Variants in CDH13 observed in about 807,000 individuals in gnomAD.
CDH13 encodes cadherin-13.
In CDH13, 24 loss-of-function variants were observed where a neutral mutation model predicts 63.8. The observed-to-expected ratio is 0.38, with a 90% CI of 0.27 to 0.53. The LOEUF is 0.53. Ranked by LOEUF, CDH13 falls within the 20% of genes least tolerant of loss-of-function variation. CDH13 has a pLI of 0.85. For synonymous variants in CDH13, 503 were observed against 355.3 expected, an observed-to-expected ratio of 1.42 and a Z score of -4.67; for missense variants, 1,049 against 903.1, an observed-to-expected ratio of 1.16 and a Z score of -2.07.
At chr16:82,796,370 C>T (rs926320622) in intron 1 of CDH13, among the ~76,000 whole-genome samples, 1 of 152,180 alleles carries the variant, frequency 6.6e-6, no homozygotes, top group African/African-American at 2.4e-5. Flanking sequence ...AACATCTCCC[C>T]AGGGTACATT....
chr16:83,665,165 C>T (rs577732369), intron 8 of CDH13, among the ~76,000 whole-genome samples: 1 of 140,936 alleles, frequency 7.1e-6, no homozygotes, highest in South Asian at 2.3e-4. Flanking sequence ...GCCAGGCATA[C>T]ATAACTGAAA....
At chr16:82,753,960 G>A (rs982152853) in intron 1 of CDH13, among the ~76,000 whole-genome samples, 3 of 152,146 alleles carry the variant, frequency 2.0e-5, no homozygotes, top group African/African-American at 7.2e-5. Context: ...TTGATTCACT[G>A]TGAATCATGA....
chr16:83,509,973 C>T (rs74034250), intron 7 of CDH13, among the ~76,000 whole-genome samples: 5 of 152,120 alleles, frequency 3.3e-5, no homozygotes, highest in South Asian at 4.1e-4. Flanking sequence ...GGTATTGTAG[C>T]CAGCGTACCT....
In CDH13 at chr16:83,254,523, T is replaced by G. The variant is rs74031911; in HGVS notation, c.636+37026T>G. Among the ~76,000 whole-genome samples the G allele has an allele frequency of 5.8e-3, 889 of 152,308 alleles. 8 individuals are homozygous for G. Among genetic ancestry groups the G allele is most frequent in the African/African-American group, 0.02 (851 of 41,554 alleles). On this transcript the variant is annotated intron_variant, in intron 5 of 13. Transcript: ENST00000567109. ...AAATGTGTGGTTCTACCATAATGAC[T>G]CTATGGACAGGATCCCCTGTGGCTG...
intron 10 of CDH13, among the ~76,000 whole-genome samples, chr16:83,731,704 T>C (rs1054931741): frequency 1.1e-4 from 16 of 152,256 alleles, no homozygotes; most frequent in Admixed American, 3.9e-4. Flanking sequence ...CCAAGGTCAA[T>C]GTGCAGAATG....
chr16:82,968,039 C>T (rs1381377864), intron 2 of CDH13, among the ~76,000 whole-genome samples: 2 of 152,132 alleles, frequency 1.3e-5, no homozygotes, highest in African/African-American at 4.8e-5. Flanking sequence ...TGGCATGAGT[C>T]CTTCTACATT....
intron 5 of CDH13, among the ~76,000 whole-genome samples, chr16:83,269,104 T>C (rs2088716861): frequency 1.3e-5 from 2 of 152,250 alleles, no homozygotes; most frequent in East Asian, 1.9e-4. Context: ...TAGAACTCTC[T>C]AGAACCTCCT....
intron 5 of CDH13, among the ~76,000 whole-genome samples, chr16:83,288,110 T>A (rs1367422568): frequency 6.6e-6 from 1 of 152,218 alleles, no homozygotes; most frequent in Non-Finnish European, 1.5e-5. Flanking sequence ...TTGCAGTAAT[T>A]GCGATTTTTA....
intron 6 of CDH13, among the ~76,000 whole-genome samples, chr16:83,420,608 A>C (rs757073332): frequency 3.9e-5 from 6 of 152,228 alleles, no homozygotes; most frequent in Non-Finnish European, 7.3e-5. Flanking sequence ...GGTTCTGCAG[A>C]GGGACAGAGC....
At chr16:83,414,665 C>A (rs777013635) in intron 6 of CDH13, among the ~76,000 whole-genome samples, 1 of 152,176 alleles carries the variant, frequency 6.6e-6, no homozygotes, top group African/African-American at 2.4e-5. Context: ...TGGAACCATG[C>A]AGTATTAGTC....
intron 1 of CDH13, among the ~76,000 whole-genome samples, chr16:82,818,139 T>TGTGTGTGTGTG (rs1555523731): frequency 6.6e-6 from 1 of 151,348 alleles, no homozygotes; most frequent in African/African-American, 2.4e-5. Flanking sequence ...TGTGTGTGTG[T>TGTGTGTGTGTG]TTTGGGAAGA....
At chr16:82,908,999 A>T (rs1211032587) in intron 2 of CDH13, among the ~76,000 whole-genome samples, 2 of 152,170 alleles carry the variant, frequency 1.3e-5, no homozygotes, top group Non-Finnish European at 2.9e-5. Flanking sequence ...TGCATGGGTC[A>T]GGGTATATAT....
intron 1 of CDH13, 153 bp downstream of exon 1, chr16:82,627,290 C>A: frequency 1.4e-6 from 1 of 691,890 alleles, no homozygotes; most frequent in Non-Finnish European, 2.6e-6. Context: ...CATTCCGAGC[C>A]CAGAGATCCT....
chr16:83,312,691 G>C (rs929419745), intron 5 of CDH13, among the ~76,000 whole-genome samples: 52 of 152,164 alleles, frequency 3.4e-4, no homozygotes, highest in African/African-American at 1.2e-3. Flanking sequence ...GGACAGGAAA[G>C]CTAGCAAGTC....
At chr16:83,192,224 ATGG>A (rs2038741315) in intron 4 of CDH13, among the ~76,000 whole-genome samples, 1 of 152,190 alleles carries the variant, frequency 6.6e-6, no homozygotes, top group Non-Finnish European at 1.5e-5. Flanking sequence ...GAATGCAATA[ATGG>A]TGGCCGCTTC....
At chr16:83,126,926 T>C (rs2035837093) in intron 4 of CDH13, among the ~76,000 whole-genome samples, 1 of 151,490 alleles carries the variant, frequency 6.6e-6, no homozygotes, top group African/African-American at 2.4e-5. Context: ...AAATCAGCAA[T>C]GGGATGATGT....
chr16:83,684,721 T>G (rs976816625), intron 10 of CDH13, among the ~76,000 whole-genome samples: 33 of 152,234 alleles, frequency 2.2e-4, no homozygotes, highest in African/African-American at 6.8e-4. Context: ...TTCCTACCCA[T>G]GTAAAATTTC....
At chr16:83,259,895 G>C (rs957234106) in intron 5 of CDH13, among the ~76,000 whole-genome samples, 6 of 152,102 alleles carry the variant, frequency 3.9e-5, no homozygotes, top group African/African-American at 1.4e-4. Context: ...TAAAATCATG[G>C]GAGAAATTCA....
chr16:83,680,070 C>G (rs574080308), intron 10 of CDH13, among the ~76,000 whole-genome samples: 16 of 152,278 alleles, frequency 1.1e-4, no homozygotes, highest in African/African-American at 3.8e-4. Flanking sequence ...CTGGAGGACC[C>G]TATGGATACT....
Sources: gnomAD v4.1 joint callset for allele counts (sites outside exome capture counted in the v4.1 genomes callset) on GRCh38, gnomAD v4.1.1 for gene constraint, MANE v1.5 for transcripts, NCBI Gene and HGNC (gene_info 2026-07-23, HGNC 2026-07-21) for gene names.